The following XRN1 variants were observed in gnomAD, a reference collection of about 807,000 sequenced individuals.
The protein encoded by XRN1 is 5'-3' exoribonuclease 1.
In XRN1, 67 loss-of-function variants were observed where a neutral mutation model predicts 222.3. That is an observed-to-expected ratio of 0.30 (90% CI 0.25 to 0.37). The LOEUF is 0.37. Ranked by LOEUF, XRN1 falls within the 10% of genes least tolerant of loss-of-function variation. The pLI, the probability that XRN1 is intolerant of heterozygous loss-of-function variation, is 1.00. For synonymous variants in XRN1, 643 were observed against 652.4 expected (o/e 0.99, Z 0.22); for missense variants, 1,707 against 2,000.2 (o/e 0.85, Z 2.80).
At position 142,408,943 on chromosome 3, in the gene XRN1, T is replaced by C. The variant is rs76925066; in HGVS notation, c.1713+3601A>G. On this transcript the variant is annotated intron_variant, in intron 15 of 40. Transcript: ENST00000392981. ...ATGCTTTTAATTTACATTTACCTGA[T>C]GCCTAATGATGTTGAGCACTTTTCC... 5.9e-3 allele frequency among the ~76,000 whole-genome samples: 895 copies of C among 152,336 alleles called. 10 individuals are homozygous for C. The highest frequency in any genetic ancestry group is 0.02 in the African/African-American group (852 of 41,574).
At chr3:142,344,204 T>A (rs2066076233) in intron 33 of XRN1, among the ~76,000 whole-genome samples, 1 of 152,118 alleles carries the variant, frequency 6.6e-6, no homozygotes, top group African/African-American at 2.4e-5. Context: ...AATAATTGTA[T>A]ATTTTTAAAT....
Position 142,320,957 on chromosome 3 carries a change from T to C in XRN1, c.4405-2054A>G, listed in dbSNP as rs151000206. 3.2e-3 allele frequency among the ~76,000 whole-genome samples: 488 copies of C among 152,244 alleles called. 2 individuals carry two copies. The highest frequency in any genetic ancestry group is 9.6e-3 in the African/African-American group (400 of 41,556). Reference sequence around the variant, plus strand: ...CCTAAGTTTTCTTCTAAGACTTTTATAGTTTTAGGCCTTATCTTACATTTA... The same window carrying C: ...CCTAAGTTTTCTTCTAAGACTTTTACAGTTTTAGGCCTTATCTTACATTTA... On this transcript the variant is annotated intron_variant, in intron 37 of 40. Coordinates refer to ENST00000392981, the MANE Select transcript of XRN1 (RefSeq NM_001282857.2).
At chr3:142,414,496 A>G (rs1036241849) in intron 13 of XRN1, among the ~76,000 whole-genome samples, 3 of 151,762 alleles carry the variant, frequency 2.0e-5, no homozygotes, top group Non-Finnish European at 4.4e-5. Context: ...ACATTTCCTG[A>G]ATTTTTTTTT....
chr3:142,421,351 G>A lies in XRN1; in HGVS notation c.1035+125C>T, dbSNP rs2069025097. The A allele has an allele frequency of 4.2e-6, 4 of 943,392 alleles. No homozygotes were observed. In the Middle Eastern group the frequency reaches 9.3e-4, roughly 220 times the overall value. 58.4% of individuals were successfully genotyped at this position (943,392 alleles called of 1,614,324 possible). A position where few individuals can be genotyped will look rare whatever the true frequency, so the allele number is the denominator to read the frequency against. On this transcript the variant is annotated intron_variant, in intron 9 of 40. Transcript: ENST00000392981. ...AAAAATAAAATTAATTTAGGTAAAA[G>A]TGTTTATATTGAATAAGCAATTGGA... is the stretch of plus-strand genomic sequence containing the variant.
chr3:142,423,449 G>A (rs1156880738), intron 6 of XRN1, 111 bp downstream of exon 6: 1 of 765,984 alleles, frequency 1.3e-6, no homozygotes, highest in African/African-American at 1.8e-5. Context: ...TATCAACATA[G>A]TGAAAAGGCA....
At chr3:142,317,419 A>T (rs1200743412) in intron 39 of XRN1, among the ~76,000 whole-genome samples, 1 of 152,038 alleles carries the variant, frequency 6.6e-6, no homozygotes, top group Non-Finnish European at 1.5e-5. Context: ...TTTACTTAAC[A>T]ATTTTACCTG....
chr3:142,322,698 T>C (rs2065392645), intron 37 of XRN1, among the ~76,000 whole-genome samples: 1 of 150,080 alleles, frequency 6.7e-6, no homozygotes, highest in African/African-American at 2.5e-5. Context: ...CAAAAAAAAA[T>C]TGTTTTTTAA....
At chr3:142,406,580 G>A (rs927942238) in intron 15 of XRN1, among the ~76,000 whole-genome samples, 10 of 152,142 alleles carry the variant, frequency 6.6e-5, no homozygotes, top group Admixed American at 2.0e-4. Context: ...ATGCTGGAGC[G>A]CAGTGAGGCA....
intron 37 of XRN1, among the ~76,000 whole-genome samples, chr3:142,326,129 C>A (rs979769310): frequency 1.5e-4 from 22 of 150,692 alleles, no homozygotes; most frequent in African/African-American, 5.1e-4. Flanking sequence ...TATTCAGGAT[C>A]GTGTGCGGTT....
chr3:142,389,164 G>C (rs1056120168), intron 20 of XRN1, among the ~76,000 whole-genome samples: 1 of 152,214 alleles, frequency 6.6e-6, no homozygotes, highest in African/African-American at 2.4e-5. Flanking sequence ...AGTGAGCCGA[G>C]ATCGCACCAC....
At chr3:142,443,606 G>A (rs1394385630) in intron 1 of XRN1, among the ~76,000 whole-genome samples, 1 of 152,200 alleles carries the variant, frequency 6.6e-6, no homozygotes, top group African/African-American at 2.4e-5. Context: ...CCTTTTGTAT[G>A]GGAGCTCTGT....
Position 142,417,111 on chromosome 3 carries a change from A to C in XRN1, c.1436+29T>G, listed in dbSNP as rs2068818239. On this transcript the variant is annotated intron_variant, in intron 13 of 40. Coordinates refer to ENST00000392981, the MANE Select transcript of XRN1 (RefSeq NM_001282857.2). The stretch of plus-strand genomic sequence containing the variant: ...TAGAATGAATCATTATAAAAAGACA[A>C]AACTTTATTTTTGTTTTTATTCTCT... 4 of 1,565,320 alleles carry C rather than the reference A, an allele frequency of 2.6e-6. No individual in the cohort carries two copies. The South Asian group carries it at 3.4e-5, about 13-fold the overall frequency.
intron 15 of XRN1, among the ~76,000 whole-genome samples, chr3:142,409,745 C>G (rs1006664048): frequency 1.3e-5 from 2 of 152,136 alleles, no homozygotes; most frequent in Non-Finnish European, 2.9e-5. Flanking sequence ...TTGAGGAGGA[C>G]GTACACCTTA....
chr3:142,351,153 G>C (rs538723225), intron 32 of XRN1, among the ~76,000 whole-genome samples: 9 of 151,772 alleles, frequency 5.9e-5, no homozygotes, highest in South Asian at 2.1e-4. Flanking sequence ...ATGTATCTAT[G>C]TATCTATCTA....
chr3:142,318,873 T>G lies in XRN1; in HGVS notation c.4435A>C (p.Asn1479His). The G allele has an allele frequency of 6.2e-7, 1 of 1,613,828 alleles. No individual in the cohort carries two copies. Among genetic ancestry groups the G allele is most frequent in the Non-Finnish European group, 8.5e-7 (1 of 1,179,874 alleles). Reference protein sequence around the residue: ...TMTVCQVKLSNGLLVHGPQCH... With the variant: ...TMTVCQVKLSHGLLVHGPQCH... ...TGTGGCCCATGTACCAGTAAGCCAT[T>G]AGATAATTTTACTTGGCAAACGGTC... Residue 1479 changes from asparagine to histidine, a missense_variant, in exon 38 of 41, where the codon AAT (asparagine) becomes CAT (histidine). Asn to His is a moderately conservative substitution (Grantham distance 68). Transcript: ENST00000392981.
intron 8 of XRN1, 145 bp from the exon 9 acceptor site, chr3:142,421,688 C>T (rs1056895463): frequency 1.0e-5 from 5 of 500,112 alleles, no homozygotes; most frequent in Admixed American, 8.1e-5. Flanking sequence ...TCCAAACTGG[C>T]CCTAGTTTCT....
intron 27 of XRN1, among the ~76,000 whole-genome samples, chr3:142,367,309 AATGCC>A (rs1173665096): frequency 6.6e-6 from 1 of 152,044 alleles, no homozygotes; most frequent in Non-Finnish European, 1.5e-5. Context: ...GAAAGAAAGA[AATGCC>A]AGAATCTCAA....
At chr3:142,360,960 A>G (rs1412066344) in intron 29 of XRN1, among the ~76,000 whole-genome samples, 1 of 152,186 alleles carries the variant, frequency 6.6e-6, no homozygotes, top group African/African-American at 2.4e-5. Flanking sequence ...TCTGAAATAT[A>G]CAAGTTAATG....
chr3:142,392,863 T>C (rs2107985261), intron 20 of XRN1, among the ~76,000 whole-genome samples: 1 of 151,592 alleles, frequency 6.6e-6, no homozygotes, highest in Admixed American at 6.6e-5. Context: ...CTGGGTCAAA[T>C]GGTATTTCCA....
Sources: allele counts gnomAD v4.1 joint callset (sites outside exome capture counted in the v4.1 genomes callset), GRCh38; gene constraint gnomAD v4.1.1; transcripts MANE v1.5; gene names NCBI Gene and HGNC (gene_info 2026-07-23, HGNC 2026-07-21).